The following KIF2A variants were observed in gnomAD, a reference collection of about 807,000 sequenced individuals.
KIF2A encodes kinesin family member 2A.
Under a neutral mutation model 100.2 loss-of-function variants are expected in KIF2A, and 22 were observed. The ratio of observed to expected loss-of-function variants is 0.22; its 90% CI spans 0.16 to 0.31. The LOEUF is 0.31. KIF2A is among the 10% of genes least tolerant of loss of function. The pLI, the probability that KIF2A is intolerant of heterozygous loss-of-function variation, is 1.00. For missense variants in KIF2A, 495 were observed against 898.7 expected (o/e 0.55, Z 5.74); for synonymous variants, 268 against 285.9 (o/e 0.94, Z 0.63).
intron 13 of KIF2A, 73 bp downstream of exon 13, chr5:62,363,393 T>A: frequency 7.3e-7 from 1 of 1,362,142 alleles, no homozygotes; most frequent in Non-Finnish European, 1.0e-6. Context: ...AAAATGAGGA[T>A]GTTATCTATC....
chr5:62,378,992 T>A (rs1741658890), intron 19 of KIF2A, among the ~76,000 whole-genome samples: 1 of 152,100 alleles, frequency 6.6e-6, no homozygotes, highest in Non-Finnish European at 1.5e-5. Flanking sequence ...GAACGGATGC[T>A]AATAATTTAA....
At chr5:62,347,916 A>T in intron 2 of KIF2A, 132 bp from the exon 3 acceptor site, 1 of 929,382 alleles carries the variant, frequency 1.1e-6, no homozygotes, top group Non-Finnish European at 1.6e-6. Context: ...GAGCCACTGC[A>T]CCCAGCCGAG....
intron 1 of KIF2A, among the ~76,000 whole-genome samples, chr5:62,337,161 A>G (rs914500396): frequency 6.6e-6 from 1 of 152,178 alleles, no homozygotes; most frequent in Non-Finnish European, 1.5e-5. Flanking sequence ...TAGAGTACGG[A>G]AAGGGAAAAC....
rs769337181 is a variant in KIF2A at position 62,348,141 on chromosome 5, T to G, written c.253T>G (p.Ser85Ala). The stretch of plus-strand genomic sequence containing the variant: ...AGAAACACCTCCACCTCCAGCATCC[T>G]CAGCCAAAGTAAACAAAATTGTAAA... The part of the protein sequence containing the change: ...SPETPPPPAS[S>A]AKVNKIVKNR... The change falls in exon 3 of 21, where the codon TCA becomes GCA. Residue 85 changes from serine to alanine, a missense_variant. Around this residue, in one of 10 missense-constraint regions of KIF2A, gnomAD observed 115 missense variants for 143.6 expected, o/e 0.80. Transcript: ENST00000407818. 1 of 1,613,774 alleles carries G rather than the reference T, an allele frequency of 6.2e-7. No individual in the cohort carries two copies. The highest frequency in any genetic ancestry group is 1.1e-5 in the South Asian group (1 of 91,082).
At chr5:62,383,331 CTCCCAG>C (rs1741872158) in intron 20 of KIF2A, among the ~76,000 whole-genome samples, 2 of 148,178 alleles carry the variant, frequency 1.3e-5, no homozygotes, top group East Asian at 4.1e-4. Context: ...AAAGCTCCGC[CTCCCAG>C]GTTCATGCCA....
At position 62,352,590 on chromosome 5, in the gene KIF2A, G is replaced by A; in HGVS notation, c.337G>A (p.Val113Ile). The A allele has an allele frequency of 6.5e-7, 1 of 1,541,738 alleles. No individual in the cohort carries two copies. Among genetic ancestry groups the A allele is most frequent in the Non-Finnish European group, 8.7e-7 (1 of 1,145,158 alleles). ...NDPPSRDNRV[V>I]GSARARPSQF... ...AAATTTTTTTTTTTTACTTACAGTG[G>A]TTGGTTCAGCACGTGCACGGCCCAG... Residue 113 changes from valine to isoleucine, a missense_variant and splice_region_variant, in exon 5 of 21, where the codon GTT (valine) becomes ATT (isoleucine). Val to Ile is a conservative substitution (Grantham distance 29). Coordinates refer to ENST00000407818, the MANE Select transcript of KIF2A (RefSeq NM_001098511.3).
intron 16 of KIF2A, among the ~76,000 whole-genome samples, chr5:62,371,773 A>G (rs1741339623): frequency 6.6e-6 from 1 of 152,230 alleles, no homozygotes; most frequent in Non-Finnish European, 1.5e-5. Flanking sequence ...ATAAGGAATT[A>G]CATAGATGGG....
intron 1 of KIF2A, among the ~76,000 whole-genome samples, chr5:62,343,926 A>G (rs888494138): frequency 3.3e-5 from 5 of 152,234 alleles, no homozygotes; most frequent in Non-Finnish European, 5.9e-5. Flanking sequence ...AGACATCTTC[A>G]TCAGCTTAAT....
intron 9 of KIF2A, among the ~76,000 whole-genome samples, chr5:62,359,457 T>TAAA (rs11345898): frequency 3.4e-5 from 5 of 146,452 alleles, no homozygotes; most frequent in African/African-American, 1.2e-4. Flanking sequence ...TAGTCAGTTG[T>TAAA]AAAAAAAAAA....
At chr5:62,371,363 A>G (rs1021220895) in intron 16 of KIF2A, among the ~76,000 whole-genome samples, 1 of 152,240 alleles carries the variant, frequency 6.6e-6, no homozygotes, top group African/African-American at 2.4e-5. Flanking sequence ...ATATTAACCA[A>G]TAGGTCAAAG....
At chr5:62,334,517 C>A (rs1358870575) in intron 1 of KIF2A, among the ~76,000 whole-genome samples, 1 of 142,220 alleles carries the variant, frequency 7.0e-6, no homozygotes, top group Non-Finnish European at 1.5e-5. Context: ...CCTCCTCCCC[C>A]TCTTCCTCCC....
chr5:62,330,985 TTAAAC>T (rs1381786610), intron 1 of KIF2A, among the ~76,000 whole-genome samples: 14 of 152,228 alleles, frequency 9.2e-5, no homozygotes, highest in African/African-American at 2.7e-4. Context: ...TTATCATACT[TTAAAC>T]AAAACAGATT....
Position 62,347,183 on chromosome 5 carries a change from A to C in KIF2A, c.118A>C (p.Thr40Pro). 1 of 1,602,116 alleles carries C rather than the reference A, an allele frequency of 6.2e-7. No homozygotes were observed. The highest frequency in any genetic ancestry group is 8.5e-7 in the Non-Finnish European group (1 of 1,172,358). Residue 40 changes from threonine (T) to proline (P), a missense_variant, in exon 2 of 21, where the codon ACT becomes CCT. Around this residue, in one of 10 missense-constraint regions of KIF2A, gnomAD observed 115 missense variants for 143.6 expected, o/e 0.80. Transcript: ENST00000407818. ...TTTAAATGAAGATAATGAAAGTGTAACTGTTGAATGGATAGAAAATGGAGA... is the reference window on the plus strand; with the variant it reads ...TTTAAATGAAGATAATGAAAGTGTACCTGTTGAATGGATAGAAAATGGAGA... ...TSLNEDNESV[T>P]VEWIENGDTK...
At chr5:62,346,705 T>A (rs1184334855) in intron 1 of KIF2A, among the ~76,000 whole-genome samples, 4 of 152,186 alleles carry the variant, frequency 2.6e-5, no homozygotes, top group African/African-American at 9.6e-5. Flanking sequence ...GCATCACTGC[T>A]CTATAGCTTA....
At chr5:62,349,615 G>A (rs556323459) in intron 3 of KIF2A, among the ~76,000 whole-genome samples, 1 of 152,272 alleles carries the variant, frequency 6.6e-6, no homozygotes, top group South Asian at 2.1e-4. Flanking sequence ...AACTGACAAT[G>A]TACATTTTAT....
rs528642274 is a variant in KIF2A, at chr5:62,313,648, C to T, written c.64+7112C>T. Among the ~76,000 whole-genome samples, 93 of 152,198 alleles carry T rather than the reference C, an allele frequency of 6.1e-4. 1 individual carries two copies. The South Asian group carries it at 0.015, about 25-fold the overall frequency. On this transcript the variant is annotated intron_variant, in intron 1 of 20. Transcript: ENST00000407818. ...GATTACAGGCTTGAGCCACTGCGCC[C>T]GGCCAGCCTCAGAGTTCTTAATACA...
At chr5:62,367,909 A>G (rs1276243885) in intron 16 of KIF2A, among the ~76,000 whole-genome samples, 1 of 152,176 alleles carries the variant, frequency 6.6e-6, no homozygotes, top group Non-Finnish European at 1.5e-5. Flanking sequence ...CATTTCTAGT[A>G]TAGCAGTTCT....
intron 1 of KIF2A, among the ~76,000 whole-genome samples, chr5:62,337,694 G>C (rs1341511754): frequency 6.6e-6 from 1 of 151,726 alleles, no homozygotes; most frequent in Admixed American, 6.6e-5. Context: ...GCATAGTAGT[G>C]CATGCCTGTA....
chr5:62,328,320 G>GTTT (rs11378518), intron 1 of KIF2A, among the ~76,000 whole-genome samples: 87 of 144,320 alleles, frequency 6.0e-4, no homozygotes, highest in African/African-American at 2.0e-3. Flanking sequence ...GTACTGTGTG[G>GTTT]TTTTTTTTTT....
Sources: gnomAD v4.1 joint callset for allele counts (sites outside exome capture counted in the v4.1 genomes callset) on GRCh38, gnomAD v4.1.1 for gene constraint, gnomAD v4.1.1 regional missense constraint, MANE v1.5 for transcripts, NCBI Gene and HGNC (gene_info 2026-07-23, HGNC 2026-07-21) for gene names.